LIN9: variants seen among roughly 807,000 people sequenced by gnomAD.
The protein encoded by LIN9 is protein lin-9 homolog.
Under a neutral mutation model 78.0 loss-of-function variants are expected in LIN9, and 18 were observed. The observed-to-expected ratio is 0.23, with a 90% CI of 0.16 to 0.34. LIN9 has a LOEUF of 0.34. Ranked by LOEUF, LIN9 falls within the 10% of genes least tolerant of loss-of-function variation. LIN9 has a pLI of 1.00. For synonymous variants in LIN9, 192 were observed against 215.2 expected (o/e 0.89, Z 0.94); for missense variants, 451 against 644.1 (o/e 0.70, Z 3.25).
intron 10 of LIN9, among the ~76,000 whole-genome samples, chr1:226,253,430 A>G (rs1012995446): frequency 4.0e-5 from 6 of 151,642 alleles, no homozygotes; most frequent in Admixed American, 3.9e-4. Flanking sequence ...AGTAGCTGGG[A>G]CTACAGGCTC....
At chr1:226,245,434 C>G (rs1348466904) in intron 11 of LIN9, among the ~76,000 whole-genome samples, 2 of 151,692 alleles carry the variant, frequency 1.3e-5, no homozygotes, top group Admixed American at 6.6e-5. Context: ...TTTTTCCCCC[C>G]CCCCAAGAAA....
chr1:226,293,198 AGAG>A (rs1391723829), intron 4 of LIN9, among the ~76,000 whole-genome samples: 1 of 152,252 alleles, frequency 6.6e-6, no homozygotes, highest in African/African-American at 2.4e-5. Flanking sequence ...GAGAAAACTC[AGAG>A]GATATAAAAA....
At chr1:226,277,004 A>G (rs185853493) in intron 7 of LIN9, among the ~76,000 whole-genome samples, 78 of 152,246 alleles carry the variant, frequency 5.1e-4, no homozygotes, top group Middle Eastern at 6.8e-3. Flanking sequence ...CTAGTTAGGA[A>G]AGGAAAACAA....
Position 226,232,352 on chromosome 1 carries a change from A to C in LIN9, c.*149T>G. The C allele has an allele frequency of 2.1e-6, 1 of 467,274 alleles. No individual in the cohort carries two copies. The highest frequency in any genetic ancestry group is 3.8e-6 in the Non-Finnish European group (1 of 264,500). 28.9% of individuals were successfully genotyped at this position (467,274 alleles called of 1,614,324 possible). A position where few individuals can be genotyped will look rare whatever the true frequency, so the allele number is the denominator to read the frequency against. The stretch of plus-strand genomic sequence containing the variant: ...GCTGGTCAGCAATGCTGGTTTAAGA[A>C]GCAGTACAGTCTATTAAAATGCCTT... On this transcript the variant is annotated 3_prime_UTR_variant, in exon 15 of 15. Coordinates refer to ENST00000681046, the MANE Select transcript of LIN9 (RefSeq NM_001366245.2).
intron 1 of LIN9, among the ~76,000 whole-genome samples, chr1:226,303,597 C>T (rs1405918810): frequency 1.3e-5 from 2 of 151,772 alleles, no homozygotes; most frequent in Admixed American, 6.6e-5. Flanking sequence ...TTTTCTTTTT[C>T]GTTTTCTTTT....
intron 7 of LIN9, among the ~76,000 whole-genome samples, chr1:226,274,614 C>T (rs1302510352): frequency 6.6e-6 from 1 of 151,928 alleles, no homozygotes; most frequent in Non-Finnish European, 1.5e-5. Context: ...TACAATTACA[C>T]ATATGTTATC....
At chr1:226,292,798 G>A (rs1661879181) in intron 4 of LIN9, among the ~76,000 whole-genome samples, 1 of 152,050 alleles carries the variant, frequency 6.6e-6, no homozygotes. Flanking sequence ...CAACAAAGCT[G>A]GTTTTTTTTC....
chr1:226,266,277 G>T lies in LIN9; in HGVS notation c.872C>A (p.Pro291His). 15 of 1,601,680 alleles carry T rather than the reference G, an allele frequency of 9.4e-6. No individual in the cohort carries two copies. Among genetic ancestry groups the T allele is most frequent in the Non-Finnish European group, 1.2e-5 (14 of 1,172,240 alleles). ...TGGTGGGGTCATAAAAAATCGAGAA[G>T]GCCGCTGTTTTTGTCCAAAGGCAGC... ...PIAAFGQKQR[P>H]SRFFMTPPRL... The change falls in exon 9 of 15, where the codon CCT (proline) becomes CAT (histidine). Residue 291 changes from proline to histidine, a missense_variant. Coordinates refer to ENST00000681046, the MANE Select transcript of LIN9 (RefSeq NM_001366245.2).
At chr1:226,271,779 T>C (rs1660290119) in intron 7 of LIN9, among the ~76,000 whole-genome samples, 3 of 152,208 alleles carry the variant, frequency 2.0e-5, no homozygotes, top group Admixed American at 6.5e-5. Flanking sequence ...GTTAGGTATA[T>C]AGTAATATAC....
At chr1:226,272,599 G>A (rs1274480982) in intron 7 of LIN9, among the ~76,000 whole-genome samples, 1 of 147,980 alleles carries the variant, frequency 6.8e-6, no homozygotes, top group Non-Finnish European at 1.5e-5. Flanking sequence ...GTGGGAAAAA[G>A]CTGAGTGTTA....
rs1558176696 is a variant in LIN9, at chr1:226,265,686, CTTAT to C, written c.937-56_937-53del. 1.0e-6 allele frequency: 1 copy of C among 998,084 alleles called. No individual in the cohort carries two copies. The highest frequency in any genetic ancestry group is 1.5e-5 in the South Asian group (1 of 68,430). 61.8% of individuals were successfully genotyped at this position (998,084 alleles called of 1,614,324 possible). On this transcript the variant is annotated intron_variant, in intron 9 of 14. Transcript: ENST00000681046. The surrounding 1 kb of genome is among the most constrained non-coding windows in gnomAD (Gnocchi z 4.1). The stretch of plus-strand genomic sequence containing the variant: ...ATCATTGACTATTCAGAGGAAGTAT[CTTAT>C]TTTTTTATTTTTATTTTTTTTTAGA...
At chr1:226,304,158 A>T (rs1662748446) in intron 1 of LIN9, among the ~76,000 whole-genome samples, 1 of 152,224 alleles carries the variant, frequency 6.6e-6, no homozygotes, top group African/African-American at 2.4e-5. Context: ...TATTATTTTG[A>T]GCAATCAAAA....
intron 6 of LIN9, among the ~76,000 whole-genome samples, chr1:226,279,664 A>G (rs2102950366): frequency 6.8e-6 from 1 of 146,110 alleles, no homozygotes; most frequent in East Asian, 2.1e-4. Context: ...AGTCCCAGCT[A>G]GTCGGGAGGC....
chr1:226,236,296 A>G (rs902708794), intron 12 of LIN9, among the ~76,000 whole-genome samples: 1 of 151,408 alleles, frequency 6.6e-6, no homozygotes, highest in Non-Finnish European at 1.5e-5. Flanking sequence ...AAGAACCAGA[A>G]TATTACCAAT....
At chr1:226,287,627 T>C (rs1208352713) in intron 5 of LIN9, 37 bp downstream of exon 5, 2 of 1,412,926 alleles carry the variant, frequency 1.4e-6, no homozygotes, top group East Asian at 2.7e-5. Context: ...AAATTTCTGA[T>C]TCAAGTAATA....
chr1:226,291,032 C>T lies in LIN9; in HGVS notation c.265-3235G>A, dbSNP rs1017102904. 3.9e-5 allele frequency among the ~76,000 whole-genome samples: 6 copies of T among 152,200 alleles called. No homozygotes were observed. The East Asian group carries it at 1.2e-3, about 29-fold the overall frequency. ...TCGGCCTCCCAAAGTGCTGCTATTA[C>T]AGGTGTGAGCCACTGTGCATGGTCC... On this transcript the variant is annotated intron_variant, in intron 4 of 14. Coordinates refer to ENST00000681046, the MANE Select transcript of LIN9 (RefSeq NM_001366245.2).
At chr1:226,270,253 G>T (rs986194187) in intron 7 of LIN9, among the ~76,000 whole-genome samples, 3 of 152,108 alleles carry the variant, frequency 2.0e-5, no homozygotes, top group South Asian at 2.1e-4. Flanking sequence ...TGCAGACACA[G>T]GGGTAACTCT....
At chr1:226,239,472 A>G (rs1657962230) in intron 11 of LIN9, among the ~76,000 whole-genome samples, 1 of 152,244 alleles carries the variant, frequency 6.6e-6, no homozygotes, top group Admixed American at 6.5e-5. Context: ...ATTTAAATCA[A>G]TTGACGCTGT....
chr1:226,277,974 C>A, intron 6 of LIN9, 42 bp from the exon 7 acceptor site: 1 of 1,469,192 alleles, frequency 6.8e-7, no homozygotes, highest in Non-Finnish European at 9.3e-7. Flanking sequence ...ATAACTACCC[C>A]ATATAAAAAC....
Sources: allele counts gnomAD v4.1 joint callset (sites outside exome capture counted in the v4.1 genomes callset), GRCh38; gene constraint gnomAD v4.1.1; non-coding constraint Gnocchi (gnomAD v3.1); transcripts MANE v1.5; gene names NCBI Gene and HGNC (gene_info 2026-07-23, HGNC 2026-07-21).